The following ADAMTS17 variants were observed in gnomAD, a reference collection of about 807,000 sequenced individuals.
ADAMTS17 encodes the protein A disintegrin and metalloproteinase with thrombospondin motifs 17.
A neutral mutation model predicts 141.5 loss-of-function variants in ADAMTS17; 113 were observed. The observed-to-expected ratio is 0.80, with a 90% CI of 0.69 to 0.93. The LOEUF (loss-of-function observed/expected upper bound fraction) is 0.93, where lower values mean the gene tolerates loss of function less well. Ranked by LOEUF, ADAMTS17 falls within the 40% of genes least tolerant of loss-of-function variation. The pLI is 0.00. For missense variants in ADAMTS17, 1,659 were observed against 1,517.9 expected (o/e 1.09, Z -1.54); for synonymous variants, 768 against 630.6 (o/e 1.22, Z -3.27).
chr15:100,280,969 G>C (rs1379763502), intron 4 of ADAMTS17, among the ~76,000 whole-genome samples: 1 of 152,170 alleles, frequency 6.6e-6, no homozygotes, highest in Non-Finnish European at 1.5e-5. Context: ...GAAGCCTTCT[G>C]GTAACAAGTG....
chr15:100,264,297 G>A (rs2043634837), intron 4 of ADAMTS17, among the ~76,000 whole-genome samples: 1 of 152,114 alleles, frequency 6.6e-6, no homozygotes, highest in Non-Finnish European at 1.5e-5. Flanking sequence ...TTGATAGTTC[G>A]AGAACCATCC....
At chr15:100,140,490 T>TAC (rs2038581687) in intron 10 of ADAMTS17, among the ~76,000 whole-genome samples, 4 of 43,902 alleles carry the variant, frequency 9.1e-5, no homozygotes, top group African/African-American at 2.9e-4. Flanking sequence ...CATACATACA[T>TAC]ATATATATAT....
intron 8 of ADAMTS17, among the ~76,000 whole-genome samples, chr15:100,194,901 G>A (rs1469024519): frequency 1.3e-5 from 2 of 152,162 alleles, no homozygotes; most frequent in African/African-American, 4.8e-5. Flanking sequence ...CCATGTGCAG[G>A]GGCTGCTGCT....
intron 3 of ADAMTS17, among the ~76,000 whole-genome samples, chr15:100,310,476 C>G (rs367798701): frequency 6.6e-6 from 1 of 152,214 alleles, no homozygotes; most frequent in African/African-American, 2.4e-5. Context: ...AAGAAATCCA[C>G]GGGACCCCAA....
At chr15:100,307,611 C>T (rs2045268060) in intron 3 of ADAMTS17, among the ~76,000 whole-genome samples, 1 of 152,298 alleles carries the variant, frequency 6.6e-6, no homozygotes, top group Non-Finnish European at 1.5e-5. Context: ...CCTCCTGCCT[C>T]TGGTCCCTAA....
chr15:100,194,858 A>G (rs2041050769), intron 8 of ADAMTS17, among the ~76,000 whole-genome samples: 1 of 152,194 alleles, frequency 6.6e-6, no homozygotes, highest in African/African-American at 2.4e-5. Context: ...AGCAAGGATC[A>G]GCGGGTAAAA....
chr15:100,095,513 C>T (rs1246818707), intron 15 of ADAMTS17, among the ~76,000 whole-genome samples: 2 of 152,118 alleles, frequency 1.3e-5, no homozygotes, highest in East Asian at 1.9e-4. Flanking sequence ...AACTGAGAAG[C>T]TTCTATGCAG....
intron 12 of ADAMTS17, among the ~76,000 whole-genome samples, chr15:100,129,901 G>A (rs28460583): frequency 0.52 from 79,154 of 152,036 alleles, 20,879 homozygotes; most frequent in Non-Finnish European, 0.54. Context: ...TTAACCAACA[G>A]GGTCAGGCCC....
Position 99,974,231 on chromosome 15 carries a change from A to G in ADAMTS17, c.*171T>C. 1.3e-6 allele frequency: 1 copy of G among 765,688 alleles called. No individual in the cohort carries two copies. The highest frequency in any genetic ancestry group is 2.1e-6 in the Non-Finnish European group (1 of 471,610). 47.4% of individuals were successfully genotyped at this position (765,688 alleles called of 1,614,324 possible). A position where few individuals can be genotyped will look rare whatever the true frequency, so the allele number is the denominator to read the frequency against. ...AGAAAGCCAGCCAGTGGCTGTTAAC[A>G]ATATATTAAGTACGGAAGCACTAAT... On this transcript the variant is annotated 3_prime_UTR_variant, in exon 22 of 22. Transcript: ENST00000268070.
chr15:100,162,224 T>C (rs1340442070), intron 8 of ADAMTS17, among the ~76,000 whole-genome samples: 1 of 152,006 alleles, frequency 6.6e-6, no homozygotes, highest in Non-Finnish European at 1.5e-5. Flanking sequence ...CTTGAATCTA[T>C]ATACATGGGA....
intron 8 of ADAMTS17, among the ~76,000 whole-genome samples, chr15:100,163,266 G>A (rs1018826462): frequency 1.1e-4 from 16 of 152,056 alleles, no homozygotes; most frequent in African/African-American, 2.9e-4. Context: ...AATGAAGCAC[G>A]GGAGATTCTG....
At chr15:100,026,604 T>C (rs1457267625) in intron 18 of ADAMTS17, among the ~76,000 whole-genome samples, 3 of 152,258 alleles carry the variant, frequency 2.0e-5, no homozygotes, top group Non-Finnish European at 4.4e-5. Flanking sequence ...TCAGTTGTCC[T>C]ACAAATTGCA....
intron 20 of ADAMTS17, among the ~76,000 whole-genome samples, chr15:99,990,942 C>T (rs747751169): frequency 7.2e-5 from 11 of 152,120 alleles, no homozygotes; most frequent in East Asian, 5.8e-4. Context: ...ATTTAATACC[C>T]GGTGTTGGGA....
chr15:100,173,305 T>C (rs2040225335), intron 8 of ADAMTS17, among the ~76,000 whole-genome samples: 2 of 152,184 alleles, frequency 1.3e-5, no homozygotes, highest in African/African-American at 2.4e-5. Context: ...CAAGTTCATC[T>C]ATGTGCTTAG....
intron 8 of ADAMTS17, among the ~76,000 whole-genome samples, chr15:100,182,808 A>C (rs2040571026): frequency 6.6e-6 from 1 of 152,140 alleles, no homozygotes; most frequent in African/African-American, 2.4e-5. Context: ...TTTTTCTTTA[A>C]GGAATTTAGT....
At chr15:100,283,448 G>C (rs374675020) in intron 3 of ADAMTS17, among the ~76,000 whole-genome samples, 2 of 152,308 alleles carry the variant, frequency 1.3e-5, no homozygotes, top group Admixed American at 6.5e-5. Context: ...CCATTTTAAA[G>C]GTGCAGAGCT....
intron 3 of ADAMTS17, chr15:100,306,660 G>A (rs1046005026): frequency 2.5e-5 from 11 of 442,920 alleles, no homozygotes; most frequent in African/African-American, 1.6e-4. Context: ...AATTTCAAAC[G>A]ACTCAGCTTT....
In ADAMTS17 at chr15:100,331,053, A is replaced by T. The variant is rs750388807; in HGVS notation, c.452T>A (p.Val151Asp). The T allele has an allele frequency of 2.4e-5, 38 of 1,614,030 alleles. No individual in the cohort carries two copies. Among genetic ancestry groups the T allele is most frequent in the Non-Finnish European group, 3.1e-5 (37 of 1,180,048 alleles). ...LSACGAAGGL[V>D]GLIQLGQEQV... ...CTCCTGCCCAAGCTGAATGAGGCCA[A>T]CCTGTCCAGAAAGGAGAAGGAAACG... Residue 151 changes from valine (V) to aspartate (D), a missense_variant and splice_region_variant, in exon 3 of 22, where the codon GTT becomes GAT. Transcript: ENST00000268070.
chr15:100,053,925 C>T lies in ADAMTS17; in HGVS notation c.2267G>A (p.Gly756Glu). ...RGLWEKISAK[G>E]PTKLPLHLMV... ...CAAGTGCAGCGGTAGTTTGGTTGGT[C>T]CCTTGGCAGAGATCTTCTCCCACAG... is the stretch of plus-strand genomic sequence containing the variant. Residue 756 changes from glycine (G) to glutamate (E), a missense_variant, in exon 16 of 22, where the codon GGA becomes GAA. Physicochemically the swap from Gly to Glu is moderately conservative, Grantham distance 98 (BLOSUM62 -2). Coordinates refer to ENST00000268070, the MANE Select transcript of ADAMTS17 (RefSeq NM_139057.4). The T allele has an allele frequency of 1.9e-6, 3 of 1,614,160 alleles. No homozygotes were observed. Among genetic ancestry groups the T allele is most frequent in the Non-Finnish European group, 2.5e-6 (3 of 1,180,032 alleles).
Sources: allele counts gnomAD v4.1 joint callset (sites outside exome capture counted in the v4.1 genomes callset), GRCh38; gene constraint gnomAD v4.1.1; transcripts MANE v1.5; gene names NCBI Gene and HGNC (gene_info 2026-07-23, HGNC 2026-07-21).